Variants in CALCOCO1 observed in about 807,000 individuals in gnomAD.
CALCOCO1 encodes the protein calcium binding and coiled-coil domain 1.
Under a neutral mutation model 86.3 loss-of-function variants are expected in CALCOCO1, and 44 were observed. The ratio of observed to expected loss-of-function variants is 0.51; its 90% CI spans 0.40 to 0.66. CALCOCO1 has a LOEUF of 0.66. Ranked by LOEUF, CALCOCO1 falls within the 30% of genes least tolerant of loss-of-function variation. The pLI is 0.00. For synonymous variants in CALCOCO1, 297 were observed against 327.6 expected, an observed-to-expected ratio of 0.91 and a Z score of 1.01; for missense variants, 708 against 851.1, an observed-to-expected ratio of 0.83 and a Z score of 2.09.
In CALCOCO1 at chr12:53,721,552, C is replaced by T. The variant is rs900364980; in HGVS notation, c.673G>A (p.Asp225Asn). 2.5e-6 allele frequency: 4 copies of T among 1,613,736 alleles called. No individual in the cohort carries two copies. Among genetic ancestry groups the T allele is most frequent in the Non-Finnish European group, 3.4e-6 (4 of 1,179,928 alleles). ...ERDILSRQQG[D>N]HVARILELED... ...AGCTCCAGGATGCGTGCCACATGGT[C>T]TCCCTGTTGCCGGCTCAGGATGTCC... is the stretch of plus-strand genomic sequence containing the variant. The change falls in exon 6 of 15, where the codon GAC becomes AAC. Residue 225 changes from aspartate to asparagine, a missense_variant. Physicochemically the swap from Asp to Asn is conservative, Grantham distance 23. Coordinates refer to ENST00000550804, the MANE Select transcript of CALCOCO1 (RefSeq NM_020898.3).
chr12:53,713,028 G>A, intron 14 of CALCOCO1, 72 bp downstream of exon 14: 1 of 1,410,526 alleles, frequency 7.1e-7, no homozygotes. Context: ...AGGGCCTGGT[G>A]ACTGTCCACA....
At chr12:53,723,557 C>A in intron 4 of CALCOCO1, 36 bp downstream of exon 4, 1 of 1,609,442 alleles carries the variant, frequency 6.2e-7, no homozygotes, top group South Asian at 1.1e-5. Context: ...TCTCCCACTC[C>A]CTTGTCTGGG....
rs373939658 is a variant in CALCOCO1, at chr12:53,719,477, G to A, written c.849+262C>T. Among the ~76,000 whole-genome samples the A allele has an allele frequency of 7.4e-4, 113 of 152,256 alleles. 1 individual carries two copies. The highest frequency in any genetic ancestry group is 2.6e-3 in the African/African-American group (107 of 41,548). ...GGAGGCAGAGGTTGCACTGAGCTAA[G>A]ATCGTACCACTGCACTTCAGCACAG... On this transcript the variant is annotated intron_variant, in intron 7 of 14. Transcript: ENST00000550804.
At chr12:53,724,952 G>T in intron 2 of CALCOCO1, 135 bp downstream of exon 2, 3 of 1,024,798 alleles carry the variant, frequency 2.9e-6, no homozygotes, top group Non-Finnish European at 4.3e-6. Flanking sequence ...TATACAGGCG[G>T]CCTCTGTCAT....
rs368153124 is a variant in CALCOCO1, at chr12:53,724,729, G to A, written c.175C>T (p.Arg59Trp). Residue 59 changes from arginine (R) to tryptophan (W), a missense_variant, in exon 3 of 15, where the codon CGG becomes TGG. By Grantham distance (101) the Arg-to-Trp change is moderately radical. Coordinates refer to ENST00000550804, the MANE Select transcript of CALCOCO1 (RefSeq NM_020898.3). ...GIFKVEAACV[R>W]DYHTFVWSSV... ...GACCACACAAATGTGTGGTAATCCC[G>A]AACACAGGCAGCCTCCACCTGTGAA... 3.7e-6 allele frequency: 6 copies of A among 1,613,016 alleles called. No individual in the cohort carries two copies. Among genetic ancestry groups the A allele is most frequent in the South Asian group, 2.2e-5 (2 of 90,738 alleles).
rs1945703228 is a variant in CALCOCO1 at position 53,715,594 on chromosome 12, T to A, written c.1260+199A>T. The A allele has an allele frequency of 6.4e-6, 5 of 776,258 alleles. No homozygotes were observed. In the South Asian group the frequency reaches 9.3e-5, roughly 14 times the overall value. The allele number at this position is 776,258 out of a possible 1,614,324, so 48.1% of individuals were successfully genotyped here. A position where few individuals can be genotyped will look rare whatever the true frequency, so the allele number is the denominator to read the frequency against. ...TGTTCCAAGGAAGGTACTCTGGTGA[T>A]CAGGATTGGGATACCCCGGTTAGGG... On this transcript the variant is annotated intron_variant, in intron 9 of 14. Transcript: ENST00000550804.
chr12:53,712,825 T>C (rs140175227), intron 14 of CALCOCO1: 13 of 1,420,652 alleles, frequency 9.2e-6, no homozygotes, highest in African/African-American at 2.9e-5. Context: ...GCAGGGCAAT[T>C]TGGGCTCTGC....
intron 7 of CALCOCO1, among the ~76,000 whole-genome samples, chr12:53,716,850 G>T (rs1945740163): frequency 6.6e-6 from 1 of 152,106 alleles, no homozygotes; most frequent in Non-Finnish European, 1.5e-5. Context: ...TGCCATGCTT[G>T]GCTCTGTCCT....
intron 13 of CALCOCO1, among the ~76,000 whole-genome samples, 186 bp from the exon 14 acceptor site, chr12:53,713,392 G>A (rs1169326178): frequency 2.0e-5 from 3 of 152,198 alleles, no homozygotes; most frequent in Non-Finnish European, 4.4e-5. Flanking sequence ...TGGGGGAGAA[G>A]CAGTGAGGCT....
Position 53,715,974 on chromosome 12 carries a change from G to A in CALCOCO1, c.1079C>T (p.Thr360Ile), listed in dbSNP as rs1257141244. 3 of 1,614,030 alleles carry A rather than the reference G, an allele frequency of 1.9e-6. No homozygotes were observed. The highest frequency in any genetic ancestry group is 2.5e-6 in the Non-Finnish European group (3 of 1,180,044). The change falls in exon 9 of 15, where the codon ACC (threonine) becomes ATC (isoleucine). Residue 360 changes from threonine (T) to isoleucine (I), a missense_variant. Physicochemically the swap from Thr to Ile is moderately conservative, Grantham distance 89. Transcript: ENST00000550804. ...ELAASSQQKA[T>I]LLGEELASAA... is the part of the protein sequence containing the mutation. ...ACTGGCCAACTCCTCCCCAAGAAGG[G>A]TGGCTTTCTGCTGGCTTGAGGCTGC... is the stretch of plus-strand genomic sequence containing the variant.
At chr12:53,723,898 T>C (rs1034102193) in intron 3 of CALCOCO1, 115 bp from the exon 4 acceptor site, 10 of 831,490 alleles carry the variant, frequency 1.2e-5, no homozygotes, top group Admixed American at 2.8e-5. Context: ...CAGGCCATAC[T>C]CTTCTCCCTC....
chr12:53,711,895 AGTGT>A lies in CALCOCO1; in HGVS notation c.*45_*48del. On this transcript the variant is annotated 3_prime_UTR_variant, in exon 15 of 15. Coordinates refer to ENST00000550804, the MANE Select transcript of CALCOCO1 (RefSeq NM_020898.3). ...AAACCTAAGTGTATGCATGTGTGTGAGTGTGTGTGTGCATGAGTGTGTATTTGTG... is the reference window on the plus strand; with the variant it reads ...AAACCTAAGTGTATGCATGTGTGTGAGTGTGTGCATGAGTGTGTATTTGTG... The A allele has an allele frequency of 7.0e-7, 1 of 1,424,632 alleles. No homozygotes were observed. The highest frequency in any genetic ancestry group is 1.4e-5 in the South Asian group (1 of 70,204). 88.2% of individuals were successfully genotyped at this position (1,424,632 alleles called of 1,614,324 possible).
At chr12:53,722,973 A>G (rs1415022591) in intron 4 of CALCOCO1, 6 of 398,440 alleles carry the variant, frequency 1.5e-5, no homozygotes, top group African/African-American at 6.4e-5. Context: ...AAAAGAAAAG[A>G]AAAGAAAAAC....
At position 53,715,265 on chromosome 12, in the gene CALCOCO1, G is replaced by T. The variant is rs768752013; in HGVS notation, c.1321C>A (p.Gln441Lys). ...AEILRLEKAV[Q>K]EERTQNQVFK... Reference sequence around the variant, plus strand: ...ACTTGGTTTTGGGTCCTCTCCTCCTGAACTGCCTTCTCCAATCGAAGTATC... The same window carrying T: ...ACTTGGTTTTGGGTCCTCTCCTCCTTAACTGCCTTCTCCAATCGAAGTATC... Residue 441 changes from glutamine (Q) to lysine (K), a missense_variant, in exon 10 of 15, where the codon CAG becomes AAG. By Grantham distance (53) the Gln-to-Lys change is moderately conservative (BLOSUM62 1). Transcript: ENST00000550804. The T allele has an allele frequency of 8.7e-6, 14 of 1,614,142 alleles. No individual in the cohort carries two copies. The highest frequency in any genetic ancestry group is 1.2e-5 in the Non-Finnish European group (14 of 1,180,018).
In CALCOCO1 at chr12:53,713,163, C is replaced by T. The variant is rs560385495; in HGVS notation, c.1835G>A (p.Ser612Asn). The change falls in exon 14 of 15, where the codon AGT (serine) becomes AAT (asparagine). Residue 612 changes from serine to asparagine, a missense_variant. Coordinates refer to ENST00000550804, the MANE Select transcript of CALCOCO1 (RefSeq NM_020898.3). The stretch of plus-strand genomic sequence containing the variant: ...CAGTAAGTTGGCCTCCTCACCCCCA[C>T]TCTGCACAGCTGCCATCAGGACTGA... ...EKSVLMAAVQSGGEEANLLLP... is the reference protein window; with the variant it reads ...EKSVLMAAVQNGGEEANLLLP... 8.7e-6 allele frequency: 14 copies of T among 1,614,144 alleles called. No individual in the cohort carries two copies. The South Asian group carries it at 1.4e-4, about 16-fold the overall frequency.
chr12:53,712,329 C>A, intron 14 of CALCOCO1: 1 of 546,220 alleles, frequency 1.8e-6, no homozygotes, highest in Non-Finnish European at 3.2e-6. Flanking sequence ...TCTTTAGTCC[C>A]TGCTGGTCTC....
At chr12:53,723,464 C>T in intron 4 of CALCOCO1, 129 bp downstream of exon 4, 2 of 918,176 alleles carry the variant, frequency 2.2e-6, no homozygotes, top group South Asian at 1.5e-5. Context: ...GGAGGCAGGA[C>T]TTTGTCTAAC....
At chr12:53,727,262 T>G (rs899928662) in intron 1 of CALCOCO1, 142 bp downstream of exon 1, 1 of 152,198 alleles carries the variant, frequency 6.6e-6, no homozygotes, top group Non-Finnish European at 1.5e-5. Flanking sequence ...CGGGGGTGGC[T>G]TCTCCAGTAC....
At chr12:53,725,582 C>T (rs1243373692) in intron 1 of CALCOCO1, 1 of 173,254 alleles carries the variant, frequency 5.8e-6, no homozygotes, top group Non-Finnish European at 1.2e-5. Context: ...GATACTGCGA[C>T]TTGGTCGACA....
Sources: gnomAD v4.1 joint callset for allele counts (sites outside exome capture counted in the v4.1 genomes callset) on GRCh38, gnomAD v4.1.1 for gene constraint, MANE v1.5 for transcripts, NCBI Gene and HGNC (gene_info 2026-07-23, HGNC 2026-07-21) for gene names.